Variants in UNC5B observed in about 807,000 individuals in gnomAD.
UNC5B encodes the protein netrin receptor UNC5B.
In UNC5B, 56 loss-of-function variants were observed where a neutral mutation model predicts 103.7. The ratio of observed to expected loss-of-function variants is 0.54; its 90% CI spans 0.44 to 0.67. The LOEUF is 0.67. Ranked by LOEUF, UNC5B falls within the 30% of genes least tolerant of loss-of-function variation. The probability of loss-of-function intolerance (pLI) is 0.00; values close to 1 mark genes in which losing one functional copy is unlikely to be tolerated. For synonymous variants in UNC5B, 577 were observed against 542.0 expected, an observed-to-expected ratio of 1.06 and a Z score of -0.90; for missense variants, 1,194 against 1,284.5, an observed-to-expected ratio of 0.93 and a Z score of 1.08.
At chr10:71,292,072 T>C (rs1395363032) in intron 10 of UNC5B, among the ~76,000 whole-genome samples, 1 of 152,168 alleles carries the variant, frequency 6.6e-6, no homozygotes, top group Non-Finnish European at 1.5e-5. Flanking sequence ...AGTGTCTCTG[T>C]TGTGTGAGAG....
Position 71,281,984 on chromosome 10 carries a change from G to A in UNC5B, c.304+1939G>A, listed in dbSNP as rs768619379. 1.7e-4 allele frequency among the ~76,000 whole-genome samples: 26 copies of A among 152,330 alleles called. No individual in the cohort carries two copies. The Middle Eastern group carries it at 0.01, about 60-fold the overall frequency. Reference sequence around the variant, plus strand: ...TCAGCCATCGGGGTCCAGGCAAGGCGAGGGAACAGTGTGCCTGCTGGGGCC... The same window carrying A: ...TCAGCCATCGGGGTCCAGGCAAGGCAAGGGAACAGTGTGCCTGCTGGGGCC... On this transcript the variant is annotated intron_variant, in intron 2 of 16. Coordinates refer to ENST00000335350, the MANE Select transcript of UNC5B (RefSeq NM_170744.5).
chr10:71,288,770 C>T (rs1431190660), intron 7 of UNC5B, 38 bp downstream of exon 7: 12 of 1,570,404 alleles, frequency 7.6e-6, no homozygotes, highest in Non-Finnish European at 1.0e-5. Context: ...GGGGTGGGGA[C>T]TCTGGAGCCA....
chr10:71,273,185 G>A (rs1180569977), intron 1 of UNC5B, among the ~76,000 whole-genome samples: 1 of 152,220 alleles, frequency 6.6e-6, no homozygotes, highest in African/African-American at 2.4e-5. Flanking sequence ...CGCCGCGCCC[G>A]GCCCACAGTG....
rs1231805816 is a variant in UNC5B, at chr10:71,285,404, C to T, written c.527C>T (p.Pro176Leu). The change falls in exon 4 of 17, where the codon CCG (proline) becomes CTG (leucine). Residue 176 changes from proline to leucine, a missense_variant. Pro to Leu is a moderately conservative substitution (Grantham distance 98). Transcript: ENST00000335350. ...LDHEVLLQCR[P>L]PEGVPVAEVE... ...CATGAGGTTCTCCTGCAGTGCCGCC[C>T]GCCGGAGGGGGTGCCTGTGGCCGAG... 33 of 1,605,160 alleles carry T rather than the reference C, an allele frequency of 2.1e-5. No individual in the cohort carries two copies. Among genetic ancestry groups the T allele is most frequent in the African/African-American group, 2.7e-5 (2 of 74,862 alleles).
At chr10:71,247,221 C>T (rs1844058527) in intron 1 of UNC5B, among the ~76,000 whole-genome samples, 1 of 152,212 alleles carries the variant, frequency 6.6e-6, no homozygotes, top group South Asian at 2.1e-4. Context: ...AGGCCTATCC[C>T]TGCCCTGAAG....
intron 1 of UNC5B, among the ~76,000 whole-genome samples, chr10:71,264,632 G>A (rs933945707): frequency 3.3e-5 from 5 of 152,192 alleles, no homozygotes; most frequent in Admixed American, 2.0e-4. Flanking sequence ...TGCACTAAGC[G>A]TTTGATATTT....
chr10:71,278,032 C>T (rs1844813584), intron 1 of UNC5B, among the ~76,000 whole-genome samples: 1 of 152,204 alleles, frequency 6.6e-6, no homozygotes, highest in Admixed American at 6.5e-5. Flanking sequence ...GAAGTCTTTT[C>T]TCAGGTTCAA....
At chr10:71,291,359 G>A in intron 9 of UNC5B, 73 bp from the exon 10 acceptor site, 1 of 1,521,306 alleles carries the variant, frequency 6.6e-7, no homozygotes, top group South Asian at 1.3e-5. Context: ...ACATTTGGGT[G>A]GGATTTTGCA....
chr10:71,281,860 C>T (rs1190999175), intron 2 of UNC5B, among the ~76,000 whole-genome samples: 2 of 152,168 alleles, frequency 1.3e-5, no homozygotes, highest in Non-Finnish European at 2.9e-5. Flanking sequence ...TCGATAAACA[C>T]CTGCTTCCTC....
chr10:71,293,172 A>G (rs1293840121), intron 11 of UNC5B, among the ~76,000 whole-genome samples: 1 of 152,190 alleles, frequency 6.6e-6, no homozygotes, highest in African/African-American at 2.4e-5. Flanking sequence ...TAAGCCAGGA[A>G]TTTTGAGCTA....
intron 1 of UNC5B, among the ~76,000 whole-genome samples, chr10:71,260,241 T>C (rs1300438554): frequency 6.6e-6 from 1 of 152,194 alleles, no homozygotes; most frequent in Non-Finnish European, 1.5e-5. Flanking sequence ...AAATCCGGCA[T>C]TCCATTCCTT....
rs140170296 is a variant in UNC5B at position 71,293,480 on chromosome 10, C to A, written c.1848C>A (p.Arg616=). The A allele has an allele frequency of 1.2e-6, 2 of 1,614,092 alleles. No homozygotes were observed. The highest frequency in any genetic ancestry group is 1.7e-6 in the Non-Finnish European group (2 of 1,180,024). ...GACCCACAGGCCTCCTGCTGTGCCG[C>A]CCCGTCATCCTCACCATGCCCCACT... The part of the protein sequence containing the change: ...TCGPTGLLLC[R]PVILTMPHCA... Residue 616 remains arginine (R), a synonymous_variant, in exon 12 of 17, where the codon CGC becomes CGA. Transcript: ENST00000335350.
Position 71,296,695 on chromosome 10 carries a change from G to T in UNC5B, c.2443G>T (p.Val815Leu). The T allele has an allele frequency of 6.2e-7, 1 of 1,614,150 alleles. No homozygotes were observed. Among genetic ancestry groups the T allele is most frequent in the Non-Finnish European group, 8.5e-7 (1 of 1,180,004 alleles). The change falls in exon 15 of 17, where the codon GTG (valine) becomes TTG (leucine). Residue 815 changes from valine to leucine, a missense_variant. Coordinates refer to ENST00000335350, the MANE Select transcript of UNC5B (RefSeq NM_170744.5). ...ELTCKICVRQ[V>L]EGEGQIFQLH... Reference sequence around the variant, plus strand: ...CACCTGCAAGATCTGCGTGCGGCAAGTGGAAGGGGAGGGCCAGATATTCCA... The same window carrying T: ...CACCTGCAAGATCTGCGTGCGGCAATTGGAAGGGGAGGGCCAGATATTCCA...
At position 71,279,941 on chromosome 10, in the gene UNC5B, T is replaced by A. The variant is rs748719389; in HGVS notation, c.200T>A (p.Leu67His). The A allele has an allele frequency of 4.3e-6, 7 of 1,613,930 alleles. No individual in the cohort carries two copies. The highest frequency in any genetic ancestry group is 5.9e-6 in the Non-Finnish European group (7 of 1,180,008). ...ATTGTGAAGAACAAGCCTGTGGAGC[T>A]CCGCTGCCGCGCCTTCCCCGCCACA... is the stretch of plus-strand genomic sequence containing the variant. ...AYIVKNKPVE[L>H]RCRAFPATQI... The change falls in exon 2 of 17, where the codon CTC becomes CAC. Residue 67 changes from leucine (L) to histidine (H), a missense_variant. Physicochemically the swap from Leu to His is moderately conservative, Grantham distance 99. Coordinates refer to ENST00000335350, the MANE Select transcript of UNC5B (RefSeq NM_170744.5).
intron 2 of UNC5B, among the ~76,000 whole-genome samples, chr10:71,282,506 C>T (rs981076161): frequency 6.6e-6 from 1 of 152,126 alleles, no homozygotes; most frequent in South Asian, 2.1e-4. Flanking sequence ...GCTGCTGAAA[C>T]CTTCTTGCAT....
intron 1 of UNC5B, among the ~76,000 whole-genome samples, chr10:71,253,989 G>A (rs1271656446): frequency 4.6e-5 from 7 of 152,106 alleles, no homozygotes; most frequent in Admixed American, 1.3e-4. Flanking sequence ...CCAGGTCCAC[G>A]CTCGCCAACC....
chr10:71,232,189 G>T (rs1401940120), intron 1 of UNC5B, among the ~76,000 whole-genome samples: 1 of 152,212 alleles, frequency 6.6e-6, no homozygotes, highest in Non-Finnish European at 1.5e-5. Context: ...GGAATGGCCT[G>T]TGGCTCTGTG....
chr10:71,265,977 G>A (rs1159674048), intron 1 of UNC5B, among the ~76,000 whole-genome samples: 1 of 152,160 alleles, frequency 6.6e-6, no homozygotes, highest in Admixed American at 6.5e-5. Context: ...ACAAACCGAG[G>A]TCCCAGGAGC....
intron 1 of UNC5B, among the ~76,000 whole-genome samples, chr10:71,241,945 G>T (rs534508171): frequency 6.6e-6 from 1 of 152,230 alleles, no homozygotes; most frequent in East Asian, 1.9e-4. Flanking sequence ...GGCTGGCCTA[G>T]AGTCACCACA....
Sources: allele counts gnomAD v4.1 joint callset (sites outside exome capture counted in the v4.1 genomes callset), GRCh38; gene constraint gnomAD v4.1.1; transcripts MANE v1.5; gene names NCBI Gene and HGNC (gene_info 2026-07-23, HGNC 2026-07-21).